The following THSD4 variants were observed in gnomAD, a reference collection of about 807,000 sequenced individuals.
THSD4 encodes the protein thrombospondin type-1 domain-containing protein 4.
In THSD4, 69 loss-of-function variants were observed where a neutral mutation model predicts 119.0. The ratio of observed to expected loss-of-function variants is 0.58; its 90% CI spans 0.48 to 0.71. The LOEUF (loss-of-function observed/expected upper bound fraction) is 0.71, where lower values mean the gene tolerates loss of function less well. Ranked by LOEUF, THSD4 falls within the 30% of genes least tolerant of loss-of-function variation. The pLI is 0.00. For missense variants in THSD4, 1,393 were observed against 1,391.1 expected, an observed-to-expected ratio of 1.00 and a Z score of -0.02; for synonymous variants, 524 against 540.4, an observed-to-expected ratio of 0.97 and a Z score of 0.42.
rs1595905873 is a variant in THSD4 at position 71,739,050 on chromosome 15, A to G, written c.1906+1043A>G. Among the ~76,000 whole-genome samples, 3 of 151,562 alleles carry G rather than the reference A, an allele frequency of 2.0e-5. No individual in the cohort carries two copies. The South Asian group carries it at 6.3e-4, about 32-fold the overall frequency. ...AATCTCCAAGTCAGGGTTGTGGAAG[A>G]CTTACACAAATCCCAGTTGAAACTC... is the stretch of plus-strand genomic sequence containing the variant. On this transcript the variant is annotated intron_variant, in intron 11 of 17. Coordinates refer to ENST00000261862, the MANE Select transcript of THSD4 (RefSeq NM_024817.3).
chr15:71,548,689 A>C (rs1331410773), intron 7 of THSD4, among the ~76,000 whole-genome samples: 1 of 152,224 alleles, frequency 6.6e-6, no homozygotes, highest in African/African-American at 2.4e-5. Flanking sequence ...TGGGTGAGTG[A>C]TGCTGGAAGC....
intron 1 of THSD4, among the ~76,000 whole-genome samples, chr15:71,126,395 C>T (rs2040457043): frequency 6.6e-6 from 1 of 152,190 alleles, no homozygotes; most frequent in Admixed American, 6.5e-5. Flanking sequence ...TTACTAGAGG[C>T]CAAGTGGGGA....
intron 3 of THSD4, among the ~76,000 whole-genome samples, chr15:71,182,403 A>C (rs1164793937): frequency 6.6e-6 from 1 of 151,822 alleles, no homozygotes; most frequent in Non-Finnish European, 1.5e-5. Flanking sequence ...AACCCAAGTT[A>C]TACAGAGTAG....
intron 8 of THSD4, among the ~76,000 whole-genome samples, chr15:71,715,209 C>G (rs998285907): frequency 6.6e-6 from 1 of 152,146 alleles, no homozygotes; most frequent in Non-Finnish European, 1.5e-5. Flanking sequence ...CTCTACAAAA[C>G]CCTTGTATTA....
intron 7 of THSD4, among the ~76,000 whole-genome samples, chr15:71,620,417 A>G (rs1308928923): frequency 6.6e-6 from 1 of 150,876 alleles, no homozygotes. Flanking sequence ...ACATAGCAAA[A>G]CTCTGTTTTT....
chr15:71,180,946 G>A (rs2043516872), intron 3 of THSD4, among the ~76,000 whole-genome samples: 1 of 152,040 alleles, frequency 6.6e-6, no homozygotes, highest in Admixed American at 6.6e-5. Flanking sequence ...AAAAAAAGAG[G>A]AGAAGGAAAA....
At chr15:71,384,604 T>C (rs146597318) in intron 6 of THSD4, among the ~76,000 whole-genome samples, 19 of 152,304 alleles carry the variant, frequency 1.2e-4, no homozygotes, top group Non-Finnish European at 2.6e-4. Flanking sequence ...CTTTTGCAAA[T>C]AGTCTTTTAA....
At chr15:71,194,373 C>A (rs959214804) in intron 3 of THSD4, among the ~76,000 whole-genome samples, 2 of 152,226 alleles carry the variant, frequency 1.3e-5, no homozygotes, top group African/African-American at 4.8e-5. Context: ...GCCCCAGCCA[C>A]CTGCTACTGA....
chr15:71,272,387 A>C (rs1234478330), intron 6 of THSD4, among the ~76,000 whole-genome samples: 4 of 112,108 alleles, frequency 3.6e-5, no homozygotes, highest in Non-Finnish European at 7.0e-5. Context: ...ACAAAGTGAG[A>C]CTCTGTCTCA....
rs897565953 is a variant in THSD4, at chr15:71,589,755, G to C, written c.1153-70775G>C. Among the ~76,000 whole-genome samples, 5 of 139,282 alleles carry C rather than the reference G, an allele frequency of 3.6e-5. 1 individual carries two copies. Among genetic ancestry groups the C allele is most frequent in the Non-Finnish European group, 8.2e-5 (5 of 61,220 alleles). 91.4% of individuals were successfully genotyped at this position (139,282 alleles called of 152,430 possible). A position where few individuals can be genotyped will look rare whatever the true frequency, so the allele number is the denominator to read the frequency against. On this transcript the variant is annotated intron_variant, in intron 7 of 17. Transcript: ENST00000261862. ...TGTGCACAGAGACGAGTACAATAAT[G>C]TTGCTAGCAGCACTGTTTATTATCA...
intron 7 of THSD4, among the ~76,000 whole-genome samples, chr15:71,626,449 G>A (rs778036233): frequency 3.0e-4 from 45 of 152,162 alleles, no homozygotes; most frequent in Non-Finnish European, 5.3e-4. Context: ...TTCTGTGGAG[G>A]TAGGTTCTGG....
At chr15:71,662,774 C>T (rs1440646949) in intron 8 of THSD4, among the ~76,000 whole-genome samples, 2 of 152,000 alleles carry the variant, frequency 1.3e-5, no homozygotes, top group South Asian at 2.1e-4. Context: ...AGTAGTCATG[C>T]GATTCAATAG....
chr15:71,105,149 T>C (rs1056694466), intron 1 of THSD4, among the ~76,000 whole-genome samples: 13 of 152,060 alleles, frequency 8.5e-5, no homozygotes, highest in African/African-American at 3.1e-4. Flanking sequence ...GGGCTTAGGA[T>C]TTTATTTTTA....
chr15:71,650,044 G>A (rs1251214948), intron 7 of THSD4, among the ~76,000 whole-genome samples: 1 of 152,172 alleles, frequency 6.6e-6, no homozygotes, highest in Non-Finnish European at 1.5e-5. Context: ...TCACACCTCA[G>A]AATGTCTCTG....
chr15:71,627,833 T>A (rs1165134372), intron 7 of THSD4, among the ~76,000 whole-genome samples: 1 of 152,176 alleles, frequency 6.6e-6, no homozygotes, highest in Non-Finnish European at 1.5e-5. Flanking sequence ...GCAGAGCATC[T>A]CCTGGGTCAA....
chr15:71,496,663 C>T (rs1378514159), intron 7 of THSD4, among the ~76,000 whole-genome samples: 1 of 152,144 alleles, frequency 6.6e-6, no homozygotes, highest in Non-Finnish European at 1.5e-5. Flanking sequence ...CACTGGACAC[C>T]TCTAGATACG....
intron 17 of THSD4, among the ~76,000 whole-genome samples, chr15:71,773,314 C>T (rs2053858551): frequency 6.6e-6 from 1 of 152,096 alleles, no homozygotes; most frequent in Non-Finnish European, 1.5e-5. Flanking sequence ...ATCACCAGGT[C>T]CTTGGAATTG....
At chr15:71,210,335 G>A (rs867391624) in intron 3 of THSD4, among the ~76,000 whole-genome samples, 5 of 152,110 alleles carry the variant, frequency 3.3e-5, no homozygotes, top group African/African-American at 9.7e-5. Flanking sequence ...ATTAGCCTTC[G>A]GTTGGCCTGT....
At chr15:71,628,110 G>T (rs1442522610) in intron 7 of THSD4, among the ~76,000 whole-genome samples, 6 of 152,312 alleles carry the variant, frequency 3.9e-5, no homozygotes, top group Non-Finnish European at 5.9e-5. Context: ...GCCCAAGTCA[G>T]TCAGAGTCCT....
Sources: allele counts gnomAD v4.1 joint callset (sites outside exome capture counted in the v4.1 genomes callset), GRCh38; gene constraint gnomAD v4.1.1; transcripts MANE v1.5; gene names NCBI Gene and HGNC (gene_info 2026-07-23, HGNC 2026-07-21).